PCDHGA3: variants seen among roughly 807,000 people sequenced by gnomAD.
PCDHGA3 encodes the protein protocadherin gamma-A3.
In PCDHGA3, 40 loss-of-function variants were observed where a neutral mutation model predicts 58.5. That is an observed-to-expected ratio of 0.68 (90% CI 0.53 to 0.89). The LOEUF is 0.89. Among genes scored for constraint, PCDHGA3 ranks in the 40% least tolerant of loss-of-function variants. PCDHGA3 has a pLI of 0.00. For missense variants in PCDHGA3, 1,223 were observed against 1,195.9 expected (o/e 1.02, Z -0.33); for synonymous variants, 530 against 525.7 (o/e 1.01, Z -0.11).
At chr5:141,385,831 G>A (rs1317215192) in intron 1 of PCDHGA3, 1 of 154,298 alleles carries the variant, frequency 6.5e-6, no homozygotes, top group Non-Finnish European at 1.4e-5. Flanking sequence ...CCTATTTACA[G>A]TATAATCATT....
chr5:141,479,767 C>G (rs2099505975), intron 1 of PCDHGA3: 1 of 152,174 alleles, frequency 6.6e-6, no homozygotes, highest in African/African-American at 2.4e-5. Flanking sequence ...AAATTCATAT[C>G]CTTAGACAGG....
intron 1 of PCDHGA3, chr5:141,415,086 G>C: frequency 5.6e-6 from 9 of 1,613,554 alleles, no homozygotes; most frequent in Non-Finnish European, 6.8e-6. Context: ...GAGCCCTGCT[G>C]GACAGAGACG....
chr5:141,364,884 G>C, intron 1 of PCDHGA3: 1 of 1,614,002 alleles, frequency 6.2e-7, no homozygotes, highest in Non-Finnish European at 8.5e-7. Context: ...GTGGTAAGCG[G>C]AACTGATGGA....
intron 1 of PCDHGA3, chr5:141,370,528 C>T (rs896464914): frequency 1.3e-5 from 21 of 1,613,784 alleles, no homozygotes; most frequent in Middle Eastern, 1.6e-4. Flanking sequence ...GACAGGGGCT[C>T]GCTGGTAGGG....
rs926566427 is a variant in PCDHGA3, at chr5:141,505,127, A to T, written c.2484-266A>T. Among the ~76,000 whole-genome samples, 9 of 152,158 alleles carry T rather than the reference A, an allele frequency of 5.9e-5. No homozygotes were observed. The East Asian group carries it at 1.5e-3, about 26-fold the overall frequency. The stretch of plus-strand genomic sequence containing the variant: ...CAATGAGCCAAGATCGCGCCACTGC[A>T]CTCCAGCCTGGATGACAGAGTAAGA... On this transcript the variant is annotated intron_variant, in intron 2 of 3. Transcript: ENST00000253812.
At chr5:141,419,689 G>T in intron 1 of PCDHGA3, 1 of 1,613,000 alleles carries the variant, frequency 6.2e-7, no homozygotes, top group African/African-American at 1.3e-5. Context: ...ACGTGGTGCA[G>T]GCCAGTGAGC....
Position 141,485,164 on chromosome 5 carries a change from G to A in PCDHGA3, c.2425-9643G>A, listed in dbSNP as rs2099608516. 2 of 1,605,832 alleles carry A rather than the reference G, an allele frequency of 1.2e-6. No homozygotes were observed. Among genetic ancestry groups the A allele is most frequent in the Admixed American group, 1.7e-5 (1 of 59,836 alleles). On this transcript the variant is annotated intron_variant, in intron 1 of 3. Coordinates refer to ENST00000253812, the MANE Select transcript of PCDHGA3 (RefSeq NM_018916.4). This position sits in a 1 kb window ranked among gnomAD's most constrained non-coding sequence, Gnocchi z 5.7. ...CTCAGGAGCAAGTAGAGAATTAGCG[G>A]GCGGCAGCAATGCTCCGCAAGGTGA...
chr5:141,414,251 C>T, intron 1 of PCDHGA3: 3 of 1,613,346 alleles, frequency 1.9e-6, no homozygotes, highest in Non-Finnish European at 2.5e-6. Context: ...CTATTTAGTC[C>T]AGTGACTGAA....
chr5:141,510,209 G>T (rs1294961681), intron 3 of PCDHGA3, among the ~76,000 whole-genome samples: 12 of 151,440 alleles, frequency 7.9e-5, no homozygotes, highest in African/African-American at 2.9e-4. Flanking sequence ...GGAGGCAGAG[G>T]TTGCAGTGAG....
At chr5:141,371,560 AC>A in intron 1 of PCDHGA3, 1 of 1,613,892 alleles carries the variant, frequency 6.2e-7, no homozygotes, top group Non-Finnish European at 8.5e-7. Flanking sequence ...CTAAAAGGAA[AC>A]TTCCCCTTTA....
chr5:141,489,126 T>A lies in PCDHGA3; in HGVS notation c.2425-5681T>A. ...TGCAAGCAGGCAAACCTCCGAGCAGTTTTTAAGAGGCTGGAAGGAGACATA... is the reference window on the plus strand; with the variant it reads ...TGCAAGCAGGCAAACCTCCGAGCAGATTTTAAGAGGCTGGAAGGAGACATA... On this transcript the variant is annotated intron_variant, in intron 1 of 3. Transcript: ENST00000253812. This position sits in a 1 kb window ranked among gnomAD's most constrained non-coding sequence, Gnocchi z 4.5. 1.7e-6 allele frequency: 1 copy of A among 585,136 alleles called. No individual in the cohort carries two copies. Among genetic ancestry groups the A allele is most frequent in the Non-Finnish European group, 2.7e-6 (1 of 375,012 alleles). The allele number at this position is 585,136 out of a possible 1,614,324, so 36.2% of individuals were successfully genotyped here.
intron 1 of PCDHGA3, among the ~76,000 whole-genome samples, chr5:141,465,538 A>AT (rs2099105284): frequency 6.6e-6 from 1 of 152,112 alleles, no homozygotes; most frequent in Non-Finnish European, 1.5e-5. Context: ...TTTCCCAGGC[A>AT]TTTTTTCTGC....
At chr5:141,374,058 C>T in intron 1 of PCDHGA3, 1 of 1,487,942 alleles carries the variant, frequency 6.7e-7, no homozygotes, top group Non-Finnish European at 8.9e-7. Context: ...CTTCTTAATC[C>T]CAGAGAAGTT....
chr5:141,344,720 A>G lies in PCDHGA3; in HGVS notation c.687A>G (p.Gln229=), dbSNP rs1480095301. The change falls in exon 1 of 4, where the codon CAA becomes CAG. Residue 229 remains glutamine, a synonymous_variant. Coordinates refer to ENST00000253812, the MANE Select transcript of PCDHGA3 (RefSeq NM_018916.4). ...TCCACTCTGGCAACTTGCACATCCA[A>G]GTGATAGTCCTGGATGCAAATGACA... ...DPVHSGNLHI[Q]VIVLDANDNP... 2 of 1,613,808 alleles carry G rather than the reference A, an allele frequency of 1.2e-6. No homozygotes were observed. The highest frequency in any genetic ancestry group is 1.7e-6 in the Non-Finnish European group (2 of 1,179,850).
intron 1 of PCDHGA3, chr5:141,415,172 T>G (rs770772038): frequency 1.2e-6 from 2 of 1,613,882 alleles, no homozygotes; most frequent in Non-Finnish European, 1.7e-6. Context: ...ACGCTCACCG[T>G]GGCCGTGGCC....
At chr5:141,403,612 G>A (rs1314297922) in intron 1 of PCDHGA3, 1 of 1,613,854 alleles carries the variant, frequency 6.2e-7, no homozygotes, top group Non-Finnish European at 8.5e-7. Flanking sequence ...GCGGCGAGCC[G>A]CGTCGCTCCA....
chr5:141,433,283 T>A, intron 1 of PCDHGA3: 1 of 1,183,074 alleles, frequency 8.5e-7, no homozygotes, highest in Non-Finnish European at 1.2e-6. Flanking sequence ...AGCCTCAAAC[T>A]CCTAGGCTCA....
At chr5:141,448,449 T>C (rs528049717) in intron 1 of PCDHGA3, among the ~76,000 whole-genome samples, 1 of 152,284 alleles carries the variant, frequency 6.6e-6, no homozygotes, top group South Asian at 2.1e-4. Context: ...CTGACTTCCA[T>C]CCCTATCCTA....
rs554661873 is a variant in PCDHGA3, at chr5:141,487,723, T to C, written c.2425-7084T>C. ...GCCTCTCAGTAAGTGCCCATAGTGATGTCACCATTTTTGTAAGAGGTAACT... is the reference window on the plus strand; with the variant it reads ...GCCTCTCAGTAAGTGCCCATAGTGACGTCACCATTTTTGTAAGAGGTAACT... On this transcript the variant is annotated intron_variant, in intron 1 of 3. Transcript: ENST00000253812. The surrounding 1 kb of genome is among the most constrained non-coding windows in gnomAD (Gnocchi z 5.0). The C allele has an allele frequency of 2.6e-5, 41 of 1,574,932 alleles. No homozygotes were observed. Among genetic ancestry groups the C allele is most frequent in the Non-Finnish European group, 5.2e-6 (6 of 1,158,382 alleles).
Sources: gnomAD v4.1 joint callset for allele counts (sites outside exome capture counted in the v4.1 genomes callset) on GRCh38, gnomAD v4.1.1 for gene constraint, Gnocchi (gnomAD v3.1) non-coding constraint, MANE v1.5 for transcripts, NCBI Gene and HGNC (gene_info 2026-07-23, HGNC 2026-07-21) for gene names.